Variants in NIPAL3 observed in about 807,000 individuals in gnomAD.
NIPAL3 encodes the protein NIPA like domain containing 3.
Under a neutral mutation model 47.2 loss-of-function variants are expected in NIPAL3, and 41 were observed. The observed-to-expected ratio is 0.87, with a 90% CI of 0.68 to 1.13. The LOEUF is 1.13. Among genes scored for constraint, NIPAL3 ranks in the 50% most tolerant of loss-of-function variants. NIPAL3 has a pLI of 0.00. For synonymous variants in NIPAL3, 194 were observed against 209.6 expected, an observed-to-expected ratio of 0.93 and a Z score of 0.64; for missense variants, 449 against 530.1, an observed-to-expected ratio of 0.85 and a Z score of 1.50.
At position 24,466,657 on chromosome 1, in the gene NIPAL3, C is replaced by T. The variant is rs1039774339; in HGVS notation, c.1022-2329C>T. 5.9e-5 allele frequency among the ~76,000 whole-genome samples: 9 copies of T among 152,188 alleles called. No individual in the cohort carries two copies. The South Asian group carries it at 8.3e-4, about 14-fold the overall frequency. ...TCTTACATGGTTCGTGGTTCCCCGC[C>T]GTGTACACCTCTCTCATTGCAATGT... On this transcript the variant is annotated intron_variant, in intron 11 of 11. Transcript: ENST00000374399.
intron 2 of NIPAL3, among the ~76,000 whole-genome samples, chr1:24,434,304 A>G (rs191013815): frequency 8.1e-4 from 124 of 152,336 alleles, no homozygotes; most frequent in Non-Finnish European, 1.6e-3. Context: ...CTATACTAAT[A>G]TTAAACAAAA....
At chr1:24,447,554 C>T (rs1645727175) in intron 5 of NIPAL3, among the ~76,000 whole-genome samples, 2 of 151,368 alleles carry the variant, frequency 1.3e-5, no homozygotes, top group African/African-American at 4.9e-5. Flanking sequence ...GAATTTTACT[C>T]TAAAAAAAAA....
chr1:24,432,419 G>T (rs1019265699), intron 2 of NIPAL3, among the ~76,000 whole-genome samples: 1 of 152,148 alleles, frequency 6.6e-6, no homozygotes, highest in Non-Finnish European at 1.5e-5. Context: ...GAGCCATCGC[G>T]CCCGGCCAGA....
intron 2 of NIPAL3, among the ~76,000 whole-genome samples, chr1:24,421,534 T>C (rs570003246): frequency 6.6e-6 from 1 of 152,322 alleles, no homozygotes; most frequent in South Asian, 2.1e-4. Flanking sequence ...TTGTTAATTT[T>C]AGATAATAAT....
intron 5 of NIPAL3, among the ~76,000 whole-genome samples, chr1:24,446,784 C>A (rs1459755062): frequency 6.6e-6 from 1 of 152,112 alleles, no homozygotes; most frequent in African/African-American, 2.4e-5. Context: ...TGGGTATATA[C>A]CCAGTTAATG....
chr1:24,446,074 G>A (rs1645649113), intron 5 of NIPAL3, among the ~76,000 whole-genome samples: 1 of 64,166 alleles, frequency 1.6e-5, no homozygotes, highest in South Asian at 4.7e-4. Flanking sequence ...ATAGTCGTGT[G>A]TGTGTGTGTG....
chr1:24,460,599 G>A (rs1024222562), intron 10 of NIPAL3, 55 bp downstream of exon 10: 17 of 1,459,196 alleles, frequency 1.2e-5, no homozygotes, highest in Non-Finnish European at 1.6e-5. Context: ...ATTCCAAGCA[G>A]GTTGCCCCTC....
At position 24,419,316 on chromosome 1, in the gene NIPAL3, C is replaced by A; in HGVS notation, c.-232C>A. Reference sequence around the variant, plus strand: ...AGCACCGCAAGAACTGGAAAACACACCCCTCTCTGTCTGCCTGGGAGAGCC... The same window carrying A: ...AGCACCGCAAGAACTGGAAAACACAACCCTCTCTGTCTGCCTGGGAGAGCC... On this transcript the variant is annotated 5_prime_UTR_variant, in exon 2 of 12. Transcript: ENST00000374399. The A allele has an allele frequency of 2.4e-6, 3 of 1,245,940 alleles. No homozygotes were observed. The highest frequency in any genetic ancestry group is 3.0e-6 in the Non-Finnish European group (3 of 994,660). The allele number at this position is 1,245,940 out of a possible 1,614,324, so 77.2% of individuals were successfully genotyped here.
intron 10 of NIPAL3, 137 bp from the exon 11 acceptor site, chr1:24,463,889 A>G: frequency 3.3e-6 from 2 of 601,132 alleles, no homozygotes; most frequent in South Asian, 2.4e-5. Context: ...GCAGCCTCTC[A>G]GGGCTCCTTG....
chr1:24,415,912 G>A lies in NIPAL3; in HGVS notation c.-258+8G>A. On this transcript the variant is annotated splice_region_variant and intron_variant, in intron 1 of 11. Transcript: ENST00000374399. Reference sequence around the variant, plus strand: ...TTAGAGGAGACGCCGCCGGTGAGTAGTGATTAACACCGGGAGGAAGGGGAA... The same window carrying A: ...TTAGAGGAGACGCCGCCGGTGAGTAATGATTAACACCGGGAGGAAGGGGAA... 2 of 984,606 alleles carry A rather than the reference G, an allele frequency of 2.0e-6. No individual in the cohort carries two copies. The highest frequency in any genetic ancestry group is 2.4e-6 in the Non-Finnish European group (2 of 829,142). 61.0% of individuals were successfully genotyped at this position (984,606 alleles called of 1,614,324 possible). A position where few individuals can be genotyped will look rare whatever the true frequency, so the allele number is the denominator to read the frequency against.
At chr1:24,419,986 GC>G (rs1644246902) in intron 2 of NIPAL3, 1 of 204,186 alleles carries the variant, frequency 4.9e-6, no homozygotes, top group Non-Finnish European at 1.0e-5. Context: ...GGAAGCTGAG[GC>G]AGGAGAATCA....
intron 11 of NIPAL3, among the ~76,000 whole-genome samples, chr1:24,467,426 C>T (rs919505752): frequency 3.9e-5 from 6 of 151,990 alleles, no homozygotes; most frequent in African/African-American, 9.7e-5. Flanking sequence ...GCTGAGATCA[C>T]GCCACTGCAC....
At chr1:24,423,641 C>CAA (rs1261633349) in intron 2 of NIPAL3, among the ~76,000 whole-genome samples, 12 of 151,846 alleles carry the variant, frequency 7.9e-5, no homozygotes, top group African/African-American at 1.9e-4. Flanking sequence ...CACACACACA[C>CAA]AAAAAAGGCA....
At chr1:24,445,334 C>A in intron 5 of NIPAL3, 90 bp downstream of exon 5, 1 of 868,726 alleles carries the variant, frequency 1.2e-6, no homozygotes, top group Non-Finnish European at 1.9e-6. Context: ...CAGAGGTTAT[C>A]TGCCTCCTGC....
chr1:24,442,961 C>A (rs886941072), intron 4 of NIPAL3, among the ~76,000 whole-genome samples: 1 of 152,124 alleles, frequency 6.6e-6, no homozygotes, highest in African/African-American at 2.4e-5. Context: ...CAGAGCAAGA[C>A]CTCATCTATT....
intron 2 of NIPAL3, among the ~76,000 whole-genome samples, chr1:24,438,981 G>A (rs1645252252): frequency 6.6e-6 from 1 of 152,036 alleles, no homozygotes; most frequent in Non-Finnish European, 1.5e-5. Context: ...TGTGCACTAG[G>A]CTATTCAATC....
intron 3 of NIPAL3, 77 bp downstream of exon 3, chr1:24,440,317 GCCT>G: frequency 8.5e-7 from 1 of 1,176,068 alleles, no homozygotes. Flanking sequence ...AGGTCCAGCT[GCCT>G]CCTCTCTGCA....
At chr1:24,428,526 A>G (rs960866379) in intron 2 of NIPAL3, among the ~76,000 whole-genome samples, 1 of 152,076 alleles carries the variant, frequency 6.6e-6, no homozygotes, top group African/African-American at 2.4e-5. Flanking sequence ...TGGGTTCCCC[A>G]CTCAGTCAAT....
chr1:24,450,320 A>T (rs1459082616), intron 6 of NIPAL3, among the ~76,000 whole-genome samples: 1 of 152,210 alleles, frequency 6.6e-6, no homozygotes, highest in Non-Finnish European at 1.5e-5. Context: ...TAACCATTTC[A>T]AACTTTTATG....
Sources: gnomAD v4.1 joint callset for allele counts (sites outside exome capture counted in the v4.1 genomes callset) on GRCh38, gnomAD v4.1.1 for gene constraint, MANE v1.5 for transcripts, NCBI Gene and HGNC (gene_info 2026-07-23, HGNC 2026-07-21) for gene names.